Variants in MICAL3 observed in about 807,000 individuals in gnomAD.
The protein encoded by MICAL3 is [F-actin]-monooxygenase MICAL3.
Under a neutral mutation model 207.4 loss-of-function variants are expected in MICAL3, and 62 were observed. That is an observed-to-expected ratio of 0.30 (90% CI 0.24 to 0.37). The LOEUF is 0.37. MICAL3 is among the 10% of genes least tolerant of loss of function. The pLI is 1.00. For synonymous variants in MICAL3, 1,077 were observed against 1,069.3 expected, an observed-to-expected ratio of 1.01 and a Z score of -0.14; for missense variants, 2,368 against 2,635.6, an observed-to-expected ratio of 0.90 and a Z score of 2.22.
intron 1 of MICAL3, among the ~76,000 whole-genome samples, chr22:17,963,384 C>T (rs146298222): frequency 3.5e-4 from 54 of 152,252 alleles, no homozygotes; most frequent in African/African-American, 1.3e-3. Flanking sequence ...GATGAAATGA[C>T]AGCCATCTCC....
At chr22:17,996,034 C>T (rs920573746) in intron 1 of MICAL3, among the ~76,000 whole-genome samples, 15 of 150,970 alleles carry the variant, frequency 9.9e-5, no homozygotes, top group Admixed American at 7.3e-4. Flanking sequence ...TGGTGGTGCA[C>T]GCCTGTAGTC....
intron 1 of MICAL3, among the ~76,000 whole-genome samples, chr22:17,968,482 C>G (rs1286079100): frequency 6.6e-6 from 1 of 152,158 alleles, no homozygotes; most frequent in Admixed American, 6.5e-5. Context: ...GACCCTGGCT[C>G]GGGCAAGCTT....
At chr22:17,817,252 C>A in intron 26 of MICAL3, 59 bp downstream of exon 26, 2 of 1,501,288 alleles carry the variant, frequency 1.3e-6, no homozygotes, top group Non-Finnish European at 1.8e-6. Flanking sequence ...CCCCAGTGAC[C>A]CCAGCCCCTC....
At chr22:17,803,943 T>C (rs528088693) in intron 29 of MICAL3, 4 of 607,948 alleles carry the variant, frequency 6.6e-6, no homozygotes, top group African/African-American at 6.0e-5. Context: ...TGATATGATA[T>C]GGAGCAATCA....
chr22:18,019,857 G>T (rs1924337795), intron 1 of MICAL3: 1 of 132,086 alleles, frequency 7.6e-6, no homozygotes, highest in Admixed American at 8.2e-5. Flanking sequence ...TGTCGCCCAG[G>T]CTGGAGTGCA....
intron 1 of MICAL3, among the ~76,000 whole-genome samples, chr22:17,950,192 C>T (rs557567827): frequency 7.0e-6 from 1 of 143,874 alleles, no homozygotes; most frequent in African/African-American, 2.8e-5. Flanking sequence ...ACAAGAGTCT[C>T]GCTCTGTTAC....
At chr22:17,979,377 T>C (rs1451293020) in intron 1 of MICAL3, among the ~76,000 whole-genome samples, 3 of 151,970 alleles carry the variant, frequency 2.0e-5, no homozygotes, top group African/African-American at 7.3e-5. Context: ...AAACCCCGTC[T>C]CTACTAAAAA....
chr22:18,002,623 C>T (rs1054128743), intron 1 of MICAL3, among the ~76,000 whole-genome samples: 1 of 151,624 alleles, frequency 6.6e-6, no homozygotes, highest in South Asian at 2.1e-4. Flanking sequence ...ACAGAGTGAG[C>T]CTCTGTCTAA....
chr22:17,969,798 C>T (rs1207074902), intron 1 of MICAL3, among the ~76,000 whole-genome samples: 1 of 152,218 alleles, frequency 6.6e-6, no homozygotes, highest in East Asian at 1.9e-4. Context: ...TTTGCCGACA[C>T]CCTGGGATGG....
At chr22:17,872,500 G>T (rs140697978) in intron 16 of MICAL3, among the ~76,000 whole-genome samples, 67 of 152,330 alleles carry the variant, frequency 4.4e-4, no homozygotes, top group African/African-American at 1.6e-3. Context: ...GCAGAGTTCT[G>T]TTCTGAGGGT....
At chr22:17,866,651 A>AATAGAATAGAATAGAATAGAATAGAAT in intron 17 of MICAL3, among the ~76,000 whole-genome samples, 1 of 150,670 alleles carries the variant, frequency 6.6e-6, no homozygotes, top group Admixed American at 6.6e-5. Flanking sequence ...AATAGAATAG[A>AATAGAATAGAATAGAATAGAATAGAAT]ATAGAATAGA....
intron 1 of MICAL3, among the ~76,000 whole-genome samples, chr22:17,998,539 A>C (rs1922562242): frequency 7.2e-6 from 1 of 139,738 alleles, no homozygotes; most frequent in Non-Finnish European, 1.5e-5. Flanking sequence ...GAGCATAATA[A>C]TAATAATAAT....
At chr22:18,010,449 A>G (rs370283978) in intron 1 of MICAL3, among the ~76,000 whole-genome samples, 9 of 152,210 alleles carry the variant, frequency 5.9e-5, no homozygotes, top group African/African-American at 1.9e-4. Flanking sequence ...GTGCAGGGAA[A>G]GTGAGACTTG....
chr22:17,990,088 C>G (rs772045395), intron 1 of MICAL3, among the ~76,000 whole-genome samples: 23 of 150,444 alleles, frequency 1.5e-4, no homozygotes, highest in Non-Finnish European at 3.3e-4. Context: ...TAAGTTATTT[C>G]AGGAGGCTTA....
intron 29 of MICAL3, among the ~76,000 whole-genome samples, chr22:17,804,508 G>A (rs991676419): frequency 6.6e-6 from 1 of 152,246 alleles, no homozygotes; most frequent in African/African-American, 2.4e-5. Flanking sequence ...AGAGACTCAT[G>A]CAGAGTTCTT....
intron 29 of MICAL3, among the ~76,000 whole-genome samples, chr22:17,801,867 C>T (rs535360740): frequency 9.2e-5 from 14 of 151,996 alleles, no homozygotes; most frequent in Middle Eastern, 3.4e-3. Context: ...GCATTCCAGC[C>T]TGGGCGACAG....
At chr22:17,807,808 C>T (rs2062003255) in intron 29 of MICAL3, among the ~76,000 whole-genome samples, 1 of 152,214 alleles carries the variant, frequency 6.6e-6, no homozygotes, top group African/African-American at 2.4e-5. Flanking sequence ...CCGCCTCCTC[C>T]CAGTTCGTCC....
At chr22:17,938,865 G>T (rs1014371327) in intron 1 of MICAL3, among the ~76,000 whole-genome samples, 1 of 152,172 alleles carries the variant, frequency 6.6e-6, no homozygotes, top group Non-Finnish European at 1.5e-5. Flanking sequence ...TACAGCTCAT[G>T]ATCTGCGTGA....
chr22:17,991,982 C>T (rs1458669115), intron 1 of MICAL3, among the ~76,000 whole-genome samples: 2 of 152,212 alleles, frequency 1.3e-5, no homozygotes, highest in Non-Finnish European at 2.9e-5. Flanking sequence ...CATGAACAAT[C>T]TAATGCCCAG....
Sources: gnomAD v4.1 joint callset for allele counts (sites outside exome capture counted in the v4.1 genomes callset) on GRCh38, gnomAD v4.1.1 for gene constraint, MANE v1.5 for transcripts, NCBI Gene and HGNC (gene_info 2026-07-23, HGNC 2026-07-21) for gene names.